ZC3H14: variants seen among roughly 807,000 people sequenced by gnomAD.
ZC3H14 encodes the protein zinc finger CCCH-type containing 14.
ZC3H14 carries 31 observed loss-of-function variants against 92.4 expected under a neutral mutation model. The observed-to-expected ratio is 0.34, with a 90% CI of 0.25 to 0.45. The LOEUF (loss-of-function observed/expected upper bound fraction) is 0.45. Among genes scored for constraint, ZC3H14 ranks in the 20% least tolerant of loss-of-function variants. ZC3H14 has a pLI of 1.00. For missense variants in ZC3H14, 781 were observed against 897.3 expected, an observed-to-expected ratio of 0.87 and a Z score of 1.66; for synonymous variants, 321 against 300.9, an observed-to-expected ratio of 1.07 and a Z score of -0.69.
Position 88,607,777 on chromosome 14 carries a change from C to T in ZC3H14, c.1868+414C>T, listed in dbSNP as rs139202302. On this transcript the variant is annotated intron_variant, in intron 13 of 16. Coordinates refer to ENST00000251038, the MANE Select transcript of ZC3H14 (RefSeq NM_024824.5). ...ATCCCCCATCTTACCCTGCAAGTAC[C>T]ATCACCCACTTCACCCTGCAAGTAC... Among the ~76,000 whole-genome samples, 84 of 133,502 alleles carry T rather than the reference C, an allele frequency of 6.3e-4. 1 individual carries two copies. The highest frequency in any genetic ancestry group is 2.0e-3 in the Admixed American group (27 of 13,228). The allele number at this position is 133,502 out of a possible 152,430, so 87.6% of individuals were successfully genotyped here. A position where few individuals can be genotyped will look rare whatever the true frequency, so the allele number is the denominator to read the frequency against.
intron 13 of ZC3H14, chr14:88,608,744 T>C (rs1029756066): frequency 6.2e-6 from 1 of 161,184 alleles, no homozygotes; most frequent in African/African-American, 2.4e-5. Flanking sequence ...TGGGTTAAAT[T>C]TTTCCTTACA....
chr14:88,621,396 G>A lies in ZC3H14; in HGVS notation c.*9645G>A, dbSNP rs764905194. On this transcript the variant is annotated 3_prime_UTR_variant, in exon 17 of 17. Coordinates refer to ENST00000251038, the MANE Select transcript of ZC3H14 (RefSeq NM_024824.5). ...ATGACCCTATTGACCTGCTTTCAGA[G>A]AACTTTTTGCTTTGAGCTAATCTAG... The A allele has an allele frequency of 6.7e-7, 1 of 1,502,680 alleles. No individual in the cohort carries two copies. The highest frequency in any genetic ancestry group is 9.1e-7 in the Non-Finnish European group (1 of 1,095,642). 93.1% of individuals were successfully genotyped at this position (1,502,680 alleles called of 1,614,324 possible).
chr14:88,580,426 A>C (rs2081762155), intron 9 of ZC3H14, among the ~76,000 whole-genome samples: 1 of 152,250 alleles, frequency 6.6e-6, no homozygotes, highest in Non-Finnish European at 1.5e-5. Flanking sequence ...TGAGGCCAGG[A>C]GTTGAAGATC....
In ZC3H14 at chr14:88,563,075, G is replaced by C; in HGVS notation, c.-59G>C. Reference sequence around the variant, plus strand: ...TCCCGGCTGCGGGGTAGGAGTCCGCGGCAGCCTCCGGGTAAGCCAAGCGCC... The same window carrying C: ...TCCCGGCTGCGGGGTAGGAGTCCGCCGCAGCCTCCGGGTAAGCCAAGCGCC... On this transcript the variant is annotated 5_prime_UTR_variant, in exon 1 of 17. Coordinates refer to ENST00000251038, the MANE Select transcript of ZC3H14 (RefSeq NM_024824.5). The C allele has an allele frequency of 1.3e-6, 2 of 1,545,646 alleles. No homozygotes were observed. The highest frequency in any genetic ancestry group is 2.4e-5 in the East Asian group (1 of 41,134).
chr14:88,572,895 A>C lies in ZC3H14; in HGVS notation c.749A>C (p.Gln250Pro), dbSNP rs1185518158. The C allele has an allele frequency of 1.9e-6, 3 of 1,614,118 alleles. No homozygotes were observed. Among genetic ancestry groups the C allele is most frequent in the Non-Finnish European group, 2.5e-6 (3 of 1,180,062 alleles). ...SIHAAKQLDM[Q>P]SSWVYETGRL... ...CATGCTGCCAAGCAGCTTGATATGC[A>C]GAGTAGTTGGGTATATGAAACAGGA... The change falls in exon 6 of 17, where the codon CAG becomes CCG. Residue 250 changes from glutamine (Q) to proline (P), a missense_variant. By Grantham distance (76) the Gln-to-Pro change is moderately conservative. Coordinates refer to ENST00000251038, the MANE Select transcript of ZC3H14 (RefSeq NM_024824.5).
Position 88,618,570 on chromosome 14 carries a change from G to C in ZC3H14, c.*6819G>C. The C allele has an allele frequency of 6.8e-7, 1 of 1,478,336 alleles. No individual in the cohort carries two copies. The highest frequency in any genetic ancestry group is 9.1e-7 in the Non-Finnish European group (1 of 1,102,948). 91.6% of individuals were successfully genotyped at this position (1,478,336 alleles called of 1,614,324 possible). A position where few individuals can be genotyped will look rare whatever the true frequency, so the allele number is the denominator to read the frequency against. On this transcript the variant is annotated 3_prime_UTR_variant, in exon 17 of 17. Transcript: ENST00000251038. ...TGAGAAGCTGGAGCTCTGGAGCTCA[G>C]GAACTTTAAATGCATTCACTAACAC...
rs117564209 is a variant in ZC3H14, at chr14:88,569,212, C to T, written c.194+1059C>T. Among the ~76,000 whole-genome samples, 163 of 152,266 alleles carry T rather than the reference C, an allele frequency of 1.1e-3. 2 individuals carry two copies. In the East Asian group the frequency reaches 0.024, roughly 22 times the overall value. On this transcript the variant is annotated intron_variant, in intron 3 of 16. Coordinates refer to ENST00000251038, the MANE Select transcript of ZC3H14 (RefSeq NM_024824.5). The stretch of plus-strand genomic sequence containing the variant: ...CCTTTTCCCCCACCAAAACCAGTTA[C>T]AGATGTTTTTTTGAACTGGGTTGGC...
intron 1 of ZC3H14, 159 bp from the exon 2 acceptor site, chr14:88,563,492 G>T: frequency 6.5e-7 from 1 of 1,527,414 alleles, no homozygotes. Context: ...GCTGGAGTGG[G>T]GTGCGGGGTG....
chr14:88,611,901 A>G lies in ZC3H14; in HGVS notation c.*150A>G. ...TATTGCCTATCTATCTGAAGTGTCT[A>G]ATTTTTCAAGTTTGTAAGTTTATTA... is the stretch of plus-strand genomic sequence containing the variant. On this transcript the variant is annotated 3_prime_UTR_variant, in exon 17 of 17. Transcript: ENST00000251038. 1.8e-6 allele frequency: 2 copies of G among 1,093,086 alleles called. No individual in the cohort carries two copies. The highest frequency in any genetic ancestry group is 1.5e-5 in the South Asian group (1 of 66,200). The allele number at this position is 1,093,086 out of a possible 1,614,324, so 67.7% of individuals were successfully genotyped here.
In ZC3H14 at chr14:88,626,691, T is replaced by G. The variant is rs149662277; in HGVS notation, c.*14940T>G. ...CCCTAATTTCTGAAAGAACTAGATTTTTGAAAGATGAAATATATGCTTGAC... is the reference window on the plus strand; with the variant it reads ...CCCTAATTTCTGAAAGAACTAGATTGTTGAAAGATGAAATATATGCTTGAC... On this transcript the variant is annotated 3_prime_UTR_variant, in exon 17 of 17. Transcript: ENST00000251038. 441 of 815,266 alleles carry G rather than the reference T, an allele frequency of 5.4e-4. No homozygotes were observed. Among genetic ancestry groups the G allele is most frequent in the South Asian group, 7.2e-4 (37 of 51,680 alleles). The allele number at this position is 815,266 out of a possible 1,614,324, so 50.5% of individuals were successfully genotyped here.
In ZC3H14 at chr14:88,627,279, G is replaced by T; in HGVS notation, c.*15528G>T. The T allele has an allele frequency of 1.8e-6, 1 of 549,844 alleles. No homozygotes were observed. Among genetic ancestry groups the T allele is most frequent in the East Asian group, 3.0e-5 (1 of 33,132 alleles). 34.1% of individuals were successfully genotyped at this position (549,844 alleles called of 1,614,324 possible). A position where few individuals can be genotyped will look rare whatever the true frequency, so the allele number is the denominator to read the frequency against. ...ATATAACGTAAATGTTTTGTCTAAA[G>T]TGTGGTAGGTAATATTATCCTGCTG... is the stretch of plus-strand genomic sequence containing the variant. On this transcript the variant is annotated 3_prime_UTR_variant, in exon 17 of 17. Transcript: ENST00000251038.
At chr14:88,601,314 G>A (rs1566965462) in intron 10 of ZC3H14, among the ~76,000 whole-genome samples, 3 of 152,090 alleles carry the variant, frequency 2.0e-5, no homozygotes, top group Non-Finnish European at 4.4e-5. Flanking sequence ...CTGGGTTGTA[G>A]GTCTTGGCAT....
chr14:88,605,418 A>G (rs1595076457), intron 12 of ZC3H14, among the ~76,000 whole-genome samples: 1 of 151,980 alleles, frequency 6.6e-6, no homozygotes, highest in Non-Finnish European at 1.5e-5. Context: ...TGCAGCCTCC[A>G]CCTCCCAGGC....
At position 88,574,784 on chromosome 14, in the gene ZC3H14, A is replaced by G. The variant is rs1219567434; in HGVS notation, c.953A>G (p.Asp318Gly). 6.2e-7 allele frequency: 1 copy of G among 1,614,220 alleles called. No individual in the cohort carries two copies. Among genetic ancestry groups the G allele is most frequent in the Non-Finnish European group, 8.5e-7 (1 of 1,180,030 alleles). Residue 318 changes from aspartate to glycine, a missense_variant, in exon 7 of 17, where the codon GAT becomes GGT. Asp to Gly is a moderately conservative substitution (Grantham distance 94). Coordinates refer to ENST00000251038, the MANE Select transcript of ZC3H14 (RefSeq NM_024824.5). ...FNHDGEEEEE[D>G]DDYGSRTGSI... The stretch of plus-strand genomic sequence containing the variant: ...CATGATGGAGAAGAGGAGGAAGAAG[A>G]TGATGATTACGGGTCTCGAACAGGA...
At chr14:88,569,472 A>G (rs1305678537) in intron 3 of ZC3H14, among the ~76,000 whole-genome samples, 1 of 152,214 alleles carries the variant, frequency 6.6e-6, no homozygotes, top group Non-Finnish European at 1.5e-5. Context: ...TTAGTTGAGA[A>G]TACTGACTAG....
intron 2 of ZC3H14, among the ~76,000 whole-genome samples, chr14:88,567,142 G>T (rs1416036052): frequency 7.6e-6 from 1 of 131,996 alleles, no homozygotes; most frequent in African/African-American, 2.8e-5. Context: ...TTGAGACAGA[G>T]TCTTGCTCTG....
At chr14:88,586,936 T>G (rs2082539452) in intron 9 of ZC3H14, among the ~76,000 whole-genome samples, 1 of 152,218 alleles carries the variant, frequency 6.6e-6, no homozygotes, top group Non-Finnish European at 1.5e-5. Flanking sequence ...TGTAATAATA[T>G]GCTTTATACT....
chr14:88,596,793 C>A lies in ZC3H14; in HGVS notation c.1339C>A (p.Leu447Met). The change falls in exon 10 of 17, where the codon CTG (leucine) becomes ATG (methionine). Residue 447 changes from leucine to methionine, a missense_variant. Physicochemically the swap from Leu to Met is conservative, Grantham distance 15. Around this residue, in one of 3 missense-constraint regions of ZC3H14, gnomAD observed 454 missense variants for 438.5 expected, o/e 1.04. Coordinates refer to ENST00000251038, the MANE Select transcript of ZC3H14 (RefSeq NM_024824.5). The part of the protein sequence containing the change: ...LQIDPVMAET[L>M]QMSQDYYDME... Reference sequence around the variant, plus strand: ...AATCGACCCAGTAATGGCAGAAACTCTGCAGATGAGTCAAGGTTGGTAATG... The same window carrying A: ...AATCGACCCAGTAATGGCAGAAACTATGCAGATGAGTCAAGGTTGGTAATG... 1 of 1,614,028 alleles carries A rather than the reference C, an allele frequency of 6.2e-7. No individual in the cohort carries two copies. The highest frequency in any genetic ancestry group is 1.1e-5 in the South Asian group (1 of 91,068).
chr14:88,611,549 G>GA (rs1356719874), intron 16 of ZC3H14, among the ~76,000 whole-genome samples, 196 bp from the exon 17 acceptor site: 1 of 152,130 alleles, frequency 6.6e-6, no homozygotes, highest in African/African-American at 2.4e-5. Context: ...AGTGTGGCCA[G>GA]AAAATTTAAT....
Sources: gnomAD v4.1 joint callset for allele counts (sites outside exome capture counted in the v4.1 genomes callset) on GRCh38, gnomAD v4.1.1 for gene constraint, gnomAD v4.1.1 regional missense constraint, MANE v1.5 for transcripts, NCBI Gene and HGNC (gene_info 2026-07-23, HGNC 2026-07-21) for gene names.